IL13RA1: variants seen among roughly 807,000 people sequenced by gnomAD.
IL13RA1 encodes interleukin-13 receptor subunit alpha-1.
A neutral mutation model predicts 33.8 loss-of-function variants in IL13RA1; 14 were observed. The observed-to-expected ratio is 0.41, with a 90% CI of 0.27 to 0.65. The LOEUF (loss-of-function observed/expected upper bound fraction) is 0.65, where lower values mean the gene tolerates loss of function less well. IL13RA1 is among the 30% of genes least tolerant of loss of function. IL13RA1 has a pLI of 0.28. For synonymous variants in IL13RA1, 116 were observed against 115.7 expected (o/e 1.00, Z -0.02); for missense variants, 313 against 327.0 (o/e 0.96, Z 0.33).
intron 2 of IL13RA1, among the ~76,000 whole-genome samples, chrX:118,745,351 A>C (rs55903230): frequency 1.3e-4 from 15 of 111,773 alleles, no homozygotes; most frequent in Non-Finnish European, 2.6e-4. Flanking sequence ...GGACAGAAAA[A>C]TTCAATGCCC....
intron 2 of IL13RA1, among the ~76,000 whole-genome samples, chrX:118,744,230 C>A (rs1046403992): frequency 9.0e-6 from 1 of 111,004 alleles, no homozygotes; most frequent in Non-Finnish European, 1.9e-5. Context: ...TGTTGATAAT[C>A]TGGGTTCCTA....
At position 118,755,816 on chromosome X, in the gene IL13RA1, A is replaced by G. The variant is rs149792447; in HGVS notation, c.489-2239A>G. Reference sequence around the variant, plus strand: ...CTGTTTTTGGCCATGGGCGGAAAACATTCCAGGACAGTCTGATCCAAAAAC... The same window carrying G: ...CTGTTTTTGGCCATGGGCGGAAAACGTTCCAGGACAGTCTGATCCAAAAAC... On this transcript the variant is annotated intron_variant, in intron 4 of 10. Transcript: ENST00000371666. 4.2e-3 allele frequency among the ~76,000 whole-genome samples: 470 copies of G among 112,210 alleles called. 7 individuals are homozygous for G. Among genetic ancestry groups the G allele is most frequent in the Admixed American group, 0.038 (399 of 10,571 alleles).
intron 1 of IL13RA1, among the ~76,000 whole-genome samples, chrX:118,736,347 G>T (rs761055906): frequency 1.5e-4 from 16 of 109,235 alleles, no homozygotes; most frequent in African/African-American, 5.0e-4. Flanking sequence ...GTTTTGTTTT[G>T]TCTGTCTTGT....
intron 1 of IL13RA1, among the ~76,000 whole-genome samples, chrX:118,740,173 C>T (rs2890081): frequency 9.0e-6 from 1 of 111,500 alleles, no homozygotes; most frequent in Admixed American, 9.5e-5. Context: ...GCTATGTTGC[C>T]GGGGCTGGTC....
chrX:118,755,328 T>A (rs1158614976), intron 4 of IL13RA1, among the ~76,000 whole-genome samples: 2 of 111,048 alleles, frequency 1.8e-5, no homozygotes, highest in Non-Finnish European at 3.8e-5. Flanking sequence ...CAGTCTGGCA[T>A]TGAACAGACC....
chrX:118,805,063 A>G, the IL13RA1 span, among the ~76,000 whole-genome samples: 1 of 111,550 alleles, frequency 9.0e-6, no homozygotes, highest in South Asian at 3.7e-4. Flanking sequence ...CCTGTTGACC[A>G]ACTCCTCTTC....
At chrX:118,757,358 C>T (rs1203755463) in intron 4 of IL13RA1, among the ~76,000 whole-genome samples, 3 of 109,032 alleles carry the variant, frequency 2.8e-5, no homozygotes, top group Non-Finnish European at 5.7e-5. Flanking sequence ...ATGCTGAACC[C>T]GTCTCCACTA....
downstream of IL13RA1, among the ~76,000 whole-genome samples, chrX:118,798,819 C>T (rs1226158033): frequency 1.8e-5 from 2 of 112,931 alleles, no homozygotes; most frequent in African/African-American, 6.4e-5. Context: ...CTCGCTCGCT[C>T]TCGGCGCCTC....
At chrX:118,788,063 A>G (rs893097010) in intron 10 of IL13RA1, among the ~76,000 whole-genome samples, 2 of 112,076 alleles carry the variant, frequency 1.8e-5, no homozygotes, top group African/African-American at 6.5e-5. Context: ...AATCTTCACA[A>G]TTTATGTTCA....
At chrX:118,799,112 G>A (rs190266114), downstream of IL13RA1, among the ~76,000 whole-genome samples, 8 of 113,222 alleles carry the variant, frequency 7.1e-5, no homozygotes, top group Middle Eastern at 4.6e-3. Context: ...CAATGGCTGC[G>A]GAGGGTGTAC....
At chrX:118,762,916 T>C (rs888935015) in intron 6 of IL13RA1, among the ~76,000 whole-genome samples, 2 of 112,169 alleles carry the variant, frequency 1.8e-5, no homozygotes, top group African/African-American at 6.5e-5. Context: ...ACTGAAAATA[T>C]AGACTCCTAC....
At chrX:118,771,701 G>C in intron 8 of IL13RA1, among the ~76,000 whole-genome samples, 1 of 112,537 alleles carries the variant, frequency 8.9e-6, no homozygotes, top group Non-Finnish European at 1.9e-5. Flanking sequence ...TGGGCTGGGC[G>C]CCATGGCTCA....
At chrX:118,757,617 T>A (rs187726459) in intron 4 of IL13RA1, among the ~76,000 whole-genome samples, 48 of 106,871 alleles carry the variant, frequency 4.5e-4, no homozygotes, top group African/African-American at 1.4e-3. Flanking sequence ...TAAAAAAAGT[T>A]ATCTTGCCCA....
Position 118,773,935 on chromosome X carries a change from G to C in IL13RA1, c.1066G>C (p.Val356Leu). ...ITMLLIVPVI[V>L]AGAIIVLLLY... ...CATGTTACTCATTGTTCCAGTCATC[G>C]TCGCAGGTGCAATCATAGTACTCCT... The change falls in exon 9 of 11, where the codon GTC (valine) becomes CTC (leucine). Residue 356 changes from valine (V) to leucine (L), a missense_variant. Val to Leu is a conservative substitution (Grantham distance 32, BLOSUM62 1). Coordinates refer to ENST00000371666, the MANE Select transcript of IL13RA1 (RefSeq NM_001560.3). 9.2e-7 allele frequency: 1 copy of C among 1,091,980 alleles called. No individual in the cohort carries two copies. Among genetic ancestry groups the C allele is most frequent in the Non-Finnish European group, 1.3e-6 (1 of 787,070 alleles). 90.0% of individuals were successfully genotyped at this position (1,091,980 alleles called of 1,213,427 possible).
At chrX:118,746,218 C>T (rs2017403071) in intron 2 of IL13RA1, among the ~76,000 whole-genome samples, 2 of 110,823 alleles carry the variant, frequency 1.8e-5, no homozygotes, top group Non-Finnish European at 3.8e-5. Flanking sequence ...CTCCCAGGCT[C>T]AAGTGATCCT....
In IL13RA1 at chrX:118,757,678, C is replaced by CTTTT. The variant is rs765835021; in HGVS notation, c.489-350_489-347dup. 3.8e-3 allele frequency among the ~76,000 whole-genome samples: 223 copies of CTTTT among 58,356 alleles called. 31 individuals carry two copies. Among genetic ancestry groups the CTTTT allele is most frequent in the Non-Finnish European group, 4.9e-3 (158 of 32,463 alleles). The allele number at this position is 58,356 out of a possible 115,157, so 50.7% of individuals were successfully genotyped here. A position where few individuals can be genotyped will look rare whatever the true frequency, so the allele number is the denominator to read the frequency against. On this transcript the variant is annotated intron_variant, in intron 4 of 10. Transcript: ENST00000371666. ...TCTCAGTCATTAAAAAGAATTCTGC[C>CTTTT]TTTTTTTTTTTTTTTTTTTTTTTTT... is the stretch of plus-strand genomic sequence containing the variant.
At chrX:118,775,205 A>C (rs1000324145) in intron 9 of IL13RA1, among the ~76,000 whole-genome samples, 2 of 111,372 alleles carry the variant, frequency 1.8e-5, no homozygotes, top group African/African-American at 6.5e-5. Flanking sequence ...TCGAGGAAAG[A>C]GCACTCCAGG....
chrX:118,787,227 A>C (rs2017929088), intron 10 of IL13RA1, among the ~76,000 whole-genome samples: 1 of 111,596 alleles, frequency 9.0e-6, no homozygotes, highest in Non-Finnish European at 1.9e-5. Context: ...AAGAGTACAA[A>C]AGAGAGAAAT....
rs148722500 is a variant in IL13RA1, at chrX:118,758,239, C to T, written c.673C>T (p.Arg225Cys). The change falls in exon 5 of 11, where the codon CGT (arginine) becomes TGT (cysteine). Residue 225 changes from arginine (R) to cysteine (C), a missense_variant. Physicochemically the swap from Arg to Cys is radical, Grantham distance 180 (BLOSUM62 -3). Transcript: ENST00000371666. Reference protein sequence around the residue: ...PSFNIVPLTSRVKPDPPHIKN... With the variant: ...PSFNIVPLTSCVKPDPPHIKN... ...CTTCAATATAGTGCCTTTAACTTCC[C>T]GTGGTAAGTTTTAGAAGTCCTCTAA... The T allele has an allele frequency of 6.0e-6, 6 of 999,817 alleles. No homozygotes were observed. Among genetic ancestry groups the T allele is most frequent in the Admixed American group, 2.3e-5 (1 of 43,161 alleles). The allele number at this position is 999,817 out of a possible 1,213,427, so 82.4% of individuals were successfully genotyped here. A position where few individuals can be genotyped will look rare whatever the true frequency, so the allele number is the denominator to read the frequency against.
Sources: allele counts gnomAD v4.1 joint callset (sites outside exome capture counted in the v4.1 genomes callset), GRCh38; gene constraint gnomAD v4.1.1; transcripts MANE v1.5; gene names NCBI Gene and HGNC (gene_info 2026-07-23, HGNC 2026-07-21).